The following SLC14A2 variants were observed in gnomAD, a reference collection of about 807,000 sequenced individuals.
The protein encoded by SLC14A2 is urea transporter 2.
A neutral mutation model predicts 104.6 loss-of-function variants in SLC14A2; 91 were observed. The observed-to-expected ratio is 0.87, with a 90% confidence interval of 0.73 to 1.04. The LOEUF is 1.04. Ranked by LOEUF, SLC14A2 falls within the 50% of genes least tolerant of loss-of-function variation. The probability of loss-of-function intolerance (pLI) is 0.00; values close to 1 mark genes in which losing one functional copy is unlikely to be tolerated. For missense variants in SLC14A2, 1,189 were observed against 1,156.0 expected, an observed-to-expected ratio of 1.03 and a Z score of -0.41; for synonymous variants, 476 against 466.4, an observed-to-expected ratio of 1.02 and a Z score of -0.27.
At chr18:45,173,303 C>T in the SLC14A2 span, among the ~76,000 whole-genome samples, 33 of 151,998 alleles carry the variant, frequency 2.2e-4, no homozygotes, top group Admixed American at 1.6e-3. Flanking sequence ...AATCTAGAAG[C>T]AATGACAATA....
rs779638855 is a variant in SLC14A2 at position 45,629,307 on chromosome 18, T to C, written c.521+2160T>C. ...TGCTAGGAGGCCATTCAAAGTCAGA[T>C]GGATGAGAGGCTGAATTCTTCTGAA... is the stretch of plus-strand genomic sequence containing the variant. On this transcript the variant is annotated intron_variant, in intron 4 of 19. Transcript: ENST00000255226. 2.0e-5 allele frequency among the ~76,000 whole-genome samples: 3 copies of C among 152,154 alleles called. No individual in the cohort carries two copies. In the South Asian group the frequency reaches 6.2e-4, roughly 32 times the overall value.
chr18:45,333,188 C>A (rs896478539), intron 1 of SLC14A2, among the ~76,000 whole-genome samples: 17 of 152,104 alleles, frequency 1.1e-4, no homozygotes, highest in Admixed American at 9.8e-4. Flanking sequence ...TCTGGGGAAT[C>A]ATATCCATTG....
chr18:45,303,538 A>G (rs559717881), intron 1 of SLC14A2, among the ~76,000 whole-genome samples: 9 of 152,316 alleles, frequency 5.9e-5, no homozygotes, highest in East Asian at 3.9e-4. Flanking sequence ...ATAGTCCCCA[A>G]TGCTGGCTGC....
chr18:45,636,691 T>A lies in SLC14A2; in HGVS notation c.651-299T>A, dbSNP rs182560108. Among the ~76,000 whole-genome samples, 128 of 152,326 alleles carry A rather than the reference T, an allele frequency of 8.4e-4. 1 individual carries two copies. Among genetic ancestry groups the A allele is most frequent in the African/African-American group, 2.9e-3 (122 of 41,576 alleles). On this transcript the variant is annotated intron_variant, in intron 5 of 19. Transcript: ENST00000255226. ...AAAAAACAAGGAAATATTTCCACTA[T>A]TTTATAAAGTGTTTTACTCAAAATA... is the stretch of plus-strand genomic sequence containing the variant.
Position 45,223,294 on chromosome 18 carries a change from G to A in SLC14A2, c.-125+10103G>A, listed in dbSNP as rs114426319. 6.4e-3 allele frequency among the ~76,000 whole-genome samples: 969 copies of A among 152,192 alleles called. 19 individuals carry two copies. Among genetic ancestry groups the A allele is most frequent in the African/African-American group, 0.022 (916 of 41,518 alleles). On this transcript the variant is annotated intron_variant, in intron 1 of 20. Coordinates refer to the SLC14A2 transcript ENST00000586448. ...AGAGGTCACAATGACGGAAGTTCAGGAAGGCAAACAGCCCACCGTGGGTCA... is the reference window on the plus strand; with the variant it reads ...AGAGGTCACAATGACGGAAGTTCAGAAAGGCAAACAGCCCACCGTGGGTCA...
intron 1 of SLC14A2, among the ~76,000 whole-genome samples, chr18:45,307,055 T>C (rs2085029496): frequency 1.3e-5 from 2 of 152,282 alleles, no homozygotes; most frequent in Middle Eastern, 3.4e-3. Flanking sequence ...GAAAGACTTC[T>C]TCCTCTGCTC....
chr18:45,485,771 G>C (rs1474565796), intron 2 of SLC14A2, among the ~76,000 whole-genome samples: 1 of 151,916 alleles, frequency 6.6e-6, no homozygotes, highest in Non-Finnish European at 1.5e-5. Context: ...AAAAAGAACT[G>C]TTACAGTGGC....
At chr18:45,601,196 A>T (rs560867551) in intron 2 of SLC14A2, among the ~76,000 whole-genome samples, 17 of 152,238 alleles carry the variant, frequency 1.1e-4, no homozygotes, top group Non-Finnish European at 2.5e-4. Context: ...GCTTCATTCT[A>T]ACTGGCTACC....
At chr18:45,200,791 T>C in the SLC14A2 span, among the ~76,000 whole-genome samples, 21 of 152,280 alleles carry the variant, frequency 1.4e-4, no homozygotes, top group Admixed American at 9.8e-4. Context: ...TTTATACTTA[T>C]AGAAATATTG....
Position 45,554,631 on chromosome 18 carries a change from AT to A in SLC14A2, c.-34-69999del, listed in dbSNP as rs1309291670. Among the ~76,000 whole-genome samples, 5 of 151,972 alleles carry A rather than the reference AT, an allele frequency of 3.3e-5. 1 individual carries two copies. Among genetic ancestry groups the A allele is most frequent in the African/African-American group, 1.2e-4 (5 of 41,476 alleles). On this transcript the variant is annotated intron_variant, in intron 2 of 20. Coordinates refer to the SLC14A2 transcript ENST00000586448. ...GGCTTTAAAACAGCATTAATAAAGA[AT>A]GGAACCTTGTGCTGGGAAGGATGGG...
intron 11 of SLC14A2, 103 bp downstream of exon 11, chr18:45,664,010 C>A: frequency 7.9e-7 from 1 of 1,264,216 alleles, no homozygotes. Flanking sequence ...GGGAGACCCG[C>A]TGGAGTCAGA....
At chr18:45,313,711 G>T (rs2085101109) in intron 1 of SLC14A2, among the ~76,000 whole-genome samples, 2 of 152,126 alleles carry the variant, frequency 1.3e-5, no homozygotes, top group Admixed American at 6.5e-5. Context: ...CATGTAAAGT[G>T]CTTAGAACAG....
intron 1 of SLC14A2, among the ~76,000 whole-genome samples, chr18:45,617,186 G>C (rs1350023675): frequency 6.6e-6 from 1 of 152,178 alleles, no homozygotes; most frequent in Non-Finnish European, 1.5e-5. Flanking sequence ...ATCAAAAGAG[G>C]TCAAGTGGTC....
chr18:45,623,000 C>T (rs779170417), intron 1 of SLC14A2, among the ~76,000 whole-genome samples: 1 of 152,080 alleles, frequency 6.6e-6, no homozygotes, highest in Non-Finnish European at 1.5e-5. Flanking sequence ...GGGTTTATCC[C>T]GGCTGGAATT....
chr18:45,217,552 T>C (rs898490736), intron 1 of SLC14A2, among the ~76,000 whole-genome samples: 2 of 151,990 alleles, frequency 1.3e-5, no homozygotes, highest in Admixed American at 6.6e-5. Context: ...GGGTTCTCAA[T>C]CAGATTTCAT....
chr18:45,606,876 C>T (rs959159946), intron 2 of SLC14A2, among the ~76,000 whole-genome samples: 8 of 152,048 alleles, frequency 5.3e-5, no homozygotes, highest in South Asian at 2.1e-4. Flanking sequence ...GCTCAGGTTC[C>T]GCCACAGGAA....
chr18:45,409,419 C>G (rs1028185302), intron 1 of SLC14A2, among the ~76,000 whole-genome samples: 1 of 152,106 alleles, frequency 6.6e-6, no homozygotes, highest in Admixed American at 6.5e-5. Context: ...CTCTGCCTAC[C>G]GTAATCTTCA....
At chr18:45,629,901 G>T (rs1030275904) in intron 4 of SLC14A2, among the ~76,000 whole-genome samples, 1 of 152,126 alleles carries the variant, frequency 6.6e-6, no homozygotes, top group African/African-American at 2.4e-5. Context: ...CATCACATTT[G>T]TCCCTAGTTA....
chr18:45,233,920 A>T (rs1433472484), intron 1 of SLC14A2, among the ~76,000 whole-genome samples: 1 of 151,898 alleles, frequency 6.6e-6, no homozygotes, highest in African/African-American at 2.4e-5. Flanking sequence ...GTGAGTTTAG[A>T]GCTACCTATC....
Sources: gnomAD v4.1 joint callset for allele counts (sites outside exome capture counted in the v4.1 genomes callset) on GRCh38, gnomAD v4.1.1 for gene constraint, MANE v1.5 for transcripts, NCBI Gene and HGNC (gene_info 2026-07-23, HGNC 2026-07-21) for gene names.